Variants in GRIK1 observed in about 807,000 individuals in gnomAD.
GRIK1 encodes glutamate receptor ionotropic, kainate 1.
GRIK1 carries 69 observed loss-of-function variants against 105.7 expected under a neutral mutation model. That is an observed-to-expected ratio of 0.65 (90% CI 0.54 to 0.80). GRIK1 has a LOEUF of 0.80. GRIK1 is among the 30% of genes least tolerant of loss of function. GRIK1 has a pLI of 0.00. For missense variants in GRIK1, 1,109 were observed against 1,167.3 expected (o/e 0.95, Z 0.73); for synonymous variants, 438 against 431.3 (o/e 1.02, Z -0.19).
intron 4 of GRIK1, among the ~76,000 whole-genome samples, chr21:29,656,033 C>T (rs1214174193): frequency 6.6e-6 from 1 of 151,966 alleles, no homozygotes; most frequent in East Asian, 1.9e-4. Context: ...TATTTGGGTG[C>T]TTTTTTTATT....
chr21:29,877,485 A>G (rs1433639134), intron 1 of GRIK1, among the ~76,000 whole-genome samples: 4 of 152,178 alleles, frequency 2.6e-5, no homozygotes, highest in Non-Finnish European at 5.9e-5. Flanking sequence ...AATTTTATAG[A>G]ATGAAATATA....
At chr21:29,697,415 A>G (rs1253469430) in intron 1 of GRIK1, among the ~76,000 whole-genome samples, 2 of 152,188 alleles carry the variant, frequency 1.3e-5, no homozygotes, top group Non-Finnish European at 2.9e-5. Flanking sequence ...GGGAATTACA[A>G]GTGTTTTCAT....
intron 1 of GRIK1, among the ~76,000 whole-genome samples, chr21:29,750,500 G>A (rs750480620): frequency 1.9e-4 from 29 of 152,104 alleles, no homozygotes; most frequent in African/African-American, 4.8e-5. Context: ...TCAGAATCAC[G>A]CTGACATTTG....
At chr21:29,896,484 C>A (rs2070165779) in intron 1 of GRIK1, among the ~76,000 whole-genome samples, 1 of 152,124 alleles carries the variant, frequency 6.6e-6, no homozygotes, top group African/African-American at 2.4e-5. Context: ...CCTGCCATAT[C>A]CCCAGTATCT....
chr21:29,836,129 T>C (rs969700771), intron 1 of GRIK1, among the ~76,000 whole-genome samples: 1 of 152,186 alleles, frequency 6.6e-6, no homozygotes, highest in Non-Finnish European at 1.5e-5. Context: ...CTTTGTAAAG[T>C]AAAGAGTATA....
At chr21:29,788,247 C>T (rs965479041) in intron 1 of GRIK1, among the ~76,000 whole-genome samples, 16 of 152,056 alleles carry the variant, frequency 1.1e-4, no homozygotes, top group African/African-American at 3.6e-4. Context: ...CTTGGAAGGG[C>T]GAATTGTTAT....
rs777583999 is a variant in GRIK1, at chr21:29,673,073, G to A, written c.636C>T (p.Ala212=). ...TCTTCATCTCCTTGAGTAAAGGCTTGGCATCTTTATTCCCAGAGGGCAGCT... is the reference window on the plus strand; with the variant it reads ...TCTTCATCTCCTTGAGTAAAGGCTTAGCATCTTTATTCCCAGAGGGCAGCT... ...IRQLPSGNKD[A]KPLLKEMKKG... is the part of the protein sequence containing the mutation. The change falls in exon 4 of 18, where the codon GCC becomes GCT. Residue 212 remains alanine, a synonymous_variant. Coordinates refer to ENST00000327783, the MANE Select transcript of GRIK1 (RefSeq NM_001330994.2). The A allele has an allele frequency of 6.2e-7, 1 of 1,610,578 alleles. No homozygotes were observed. The highest frequency in any genetic ancestry group is 2.2e-5 in the East Asian group (1 of 44,860).
intron 1 of GRIK1, among the ~76,000 whole-genome samples, chr21:29,804,564 G>A (rs1318442451): frequency 6.6e-6 from 1 of 152,116 alleles, no homozygotes; most frequent in East Asian, 1.9e-4. Context: ...GGTAATATCA[G>A]GATGTTGAGG....
chr21:29,875,068 C>CT (rs1368916167), intron 1 of GRIK1, among the ~76,000 whole-genome samples: 1 of 143,014 alleles, frequency 7.0e-6, no homozygotes, highest in Non-Finnish European at 1.5e-5. Context: ...TTGTCAATTT[C>CT]TTTTTCTCAT....
At chr21:29,631,921 G>T (rs939784404) in intron 7 of GRIK1, among the ~76,000 whole-genome samples, 1 of 151,942 alleles carries the variant, frequency 6.6e-6, no homozygotes, top group Non-Finnish European at 1.5e-5. Flanking sequence ...TTGTGCATGA[G>T]AGCCTATTAC....
Position 29,577,012 on chromosome 21 carries a change from C to T in GRIK1, c.2082G>A (p.Lys694=), listed in dbSNP as rs1601164251. 1 of 1,613,646 alleles carries T rather than the reference C, an allele frequency of 6.2e-7. No individual in the cohort carries two copies. Among genetic ancestry groups the T allele is most frequent in the Admixed American group, 1.7e-5 (1 of 59,992 alleles). The change falls in exon 14 of 18, where the codon AAG becomes AAA. Residue 694 remains lysine (K), a synonymous_variant. Transcript: ENST00000327783. ...CATCTCTAACCGCCCCATATTCTAT[C>T]TTGGTTTGCTTTGCCAGATCATCTG... is the stretch of plus-strand genomic sequence containing the variant. The part of the protein sequence containing the change: ...DSADDLAKQT[K]IEYGAVRDGS...
chr21:29,600,744 T>G (rs1383856422), intron 7 of GRIK1, among the ~76,000 whole-genome samples: 1 of 152,244 alleles, frequency 6.6e-6, no homozygotes, highest in Non-Finnish European at 1.5e-5. Context: ...GGCGTTTTAA[T>G]TTTTAACATT....
chr21:29,556,029 T>G (rs2090245788), intron 15 of GRIK1, among the ~76,000 whole-genome samples: 3 of 152,184 alleles, frequency 2.0e-5, no homozygotes, highest in African/African-American at 7.2e-5. Context: ...AGTAACTTTC[T>G]CCAGAGAAGA....
At chr21:29,685,509 A>G (rs1444785954) in intron 3 of GRIK1, among the ~76,000 whole-genome samples, 1 of 152,010 alleles carries the variant, frequency 6.6e-6, no homozygotes, top group Admixed American at 6.6e-5. Flanking sequence ...TTTGCTCTCT[A>G]TGCTGACTGC....
At chr21:29,860,706 C>T (rs1429782870) in intron 1 of GRIK1, among the ~76,000 whole-genome samples, 3 of 152,036 alleles carry the variant, frequency 2.0e-5, no homozygotes, top group South Asian at 2.1e-4. Flanking sequence ...ATTATTGCAT[C>T]GTTTAAATAT....
chr21:29,712,856 T>A (rs941443398), intron 1 of GRIK1, among the ~76,000 whole-genome samples: 1 of 152,236 alleles, frequency 6.6e-6, no homozygotes, highest in Admixed American at 6.5e-5. Context: ...TATAGTTTTA[T>A]GTAATTCAAT....
chr21:29,886,976 G>C (rs963991523), intron 1 of GRIK1, among the ~76,000 whole-genome samples: 2 of 152,104 alleles, frequency 1.3e-5, no homozygotes, highest in Non-Finnish European at 2.9e-5. Flanking sequence ...TTTATTTGGG[G>C]GGATGATTAA....
chr21:29,912,985 A>T (rs1396968180), intron 1 of GRIK1, among the ~76,000 whole-genome samples: 1 of 152,158 alleles, frequency 6.6e-6, no homozygotes, highest in Non-Finnish European at 1.5e-5. Context: ...CATACTTAAT[A>T]ATAACATATT....
intron 3 of GRIK1, among the ~76,000 whole-genome samples, chr21:29,678,657 CTG>C (rs1201680583): frequency 6.6e-6 from 1 of 152,058 alleles, no homozygotes; most frequent in East Asian, 1.9e-4. Context: ...AAAAAAGAAA[CTG>C]TAATTTATCA....
Sources: gnomAD v4.1 joint callset for allele counts (sites outside exome capture counted in the v4.1 genomes callset) on GRCh38, gnomAD v4.1.1 for gene constraint, MANE v1.5 for transcripts, NCBI Gene and HGNC (gene_info 2026-07-23, HGNC 2026-07-21) for gene names.